The following MLLT3 variants were observed in gnomAD, a reference collection of about 807,000 sequenced individuals.
MLLT3 encodes MLLT3 super elongation complex subunit.
MLLT3 carries 4 observed loss-of-function variants against 53.2 expected under a neutral mutation model. The ratio of observed to expected loss-of-function variants is 0.08; its 90% CI spans 0.04 to 0.17. The LOEUF (loss-of-function observed/expected upper bound fraction) is 0.17. MLLT3 is among the 10% of genes least tolerant of loss of function. The pLI is 1.00. For missense variants in MLLT3, 569 were observed against 684.0 expected, an observed-to-expected ratio of 0.83 and a Z score of 1.87; for synonymous variants, 283 against 230.6, an observed-to-expected ratio of 1.23 and a Z score of -2.06.
intron 2 of MLLT3, among the ~76,000 whole-genome samples, chr9:20,565,980 A>ATTTATTTATATATT (rs1819360154): frequency 2.9e-5 from 3 of 104,298 alleles, no homozygotes; most frequent in Admixed American, 1.1e-4. Flanking sequence ...ATATATATAT[A>ATTTATTTATATATT]TATTTATTTA....
At chr9:20,420,015 T>C (rs908501227) in intron 4 of MLLT3, among the ~76,000 whole-genome samples, 2 of 152,034 alleles carry the variant, frequency 1.3e-5, no homozygotes, top group Non-Finnish European at 2.9e-5. Context: ...TGAAAGAGGA[T>C]TAGGGTGTCA....
intron 1 of MLLT3, 67 bp downstream of exon 1, chr9:20,622,178 T>C: frequency 6.7e-7 from 1 of 1,497,430 alleles, no homozygotes; most frequent in Admixed American, 1.7e-5. Context: ...CTGTCTGGGC[T>C]GCGGCGGCGC....
intron 2 of MLLT3, among the ~76,000 whole-genome samples, chr9:20,493,412 T>C (rs1825002349): frequency 6.6e-6 from 1 of 152,012 alleles, no homozygotes; most frequent in South Asian, 2.1e-4. Context: ...CCTTATCTTT[T>C]AACACTCAGG....
intron 5 of MLLT3, among the ~76,000 whole-genome samples, chr9:20,406,405 A>T (rs1822578685): frequency 6.6e-6 from 1 of 152,248 alleles, no homozygotes; most frequent in South Asian, 2.1e-4. Context: ...CATATTTTTA[A>T]GCGTTACTGA....
At chr9:20,420,715 C>T (rs1274019644) in intron 4 of MLLT3, among the ~76,000 whole-genome samples, 1 of 151,716 alleles carries the variant, frequency 6.6e-6, no homozygotes, top group Non-Finnish European at 1.5e-5. Context: ...TTTTTTTATA[C>T]TTGAAGTTCT....
intron 2 of MLLT3, among the ~76,000 whole-genome samples, chr9:20,617,752 C>A (rs1414185439): frequency 1.3e-5 from 2 of 152,102 alleles, no homozygotes; most frequent in African/African-American, 4.8e-5. Context: ...TCATCAAAAT[C>A]TCTTTTCTAA....
intron 5 of MLLT3, among the ~76,000 whole-genome samples, chr9:20,375,720 C>T (rs1474325346): frequency 5.9e-5 from 9 of 151,638 alleles, no homozygotes; most frequent in African/African-American, 1.5e-4. Flanking sequence ...GCCATTCTCC[C>T]GCCTCAGCCT....
chr9:20,409,405 T>C (rs116732356), intron 5 of MLLT3, among the ~76,000 whole-genome samples: 1,897 of 152,262 alleles, frequency 0.012, 36 homozygotes, highest in African/African-American at 0.043. Context: ...AGGTGAAAGA[T>C]ATTTGGTTTT....
At chr9:20,549,927 T>C (rs2119025647) in intron 2 of MLLT3, among the ~76,000 whole-genome samples, 1 of 152,318 alleles carries the variant, frequency 6.6e-6, no homozygotes, top group Non-Finnish European at 1.5e-5. Flanking sequence ...GAAATTCCTA[T>C]TCTACTCCCC....
intron 2 of MLLT3, among the ~76,000 whole-genome samples, chr9:20,534,243 T>A (rs780639355): frequency 6.6e-6 from 1 of 152,234 alleles, no homozygotes; most frequent in African/African-American, 2.4e-5. Flanking sequence ...GTGGGAGAAC[T>A]GACCCAACTT....
chr9:20,558,830 T>G (rs564548241), intron 2 of MLLT3, among the ~76,000 whole-genome samples: 1 of 152,228 alleles, frequency 6.6e-6, no homozygotes, highest in Non-Finnish European at 1.5e-5. Flanking sequence ...ATCAGCAAGC[T>G]CTGTTTCCAC....
intron 2 of MLLT3, among the ~76,000 whole-genome samples, chr9:20,549,394 G>C (rs180801420): frequency 6.6e-6 from 1 of 152,024 alleles, no homozygotes; most frequent in African/African-American, 2.4e-5. Context: ...CAACAACAAC[G>C]ACTAACTCAA....
intron 2 of MLLT3, among the ~76,000 whole-genome samples, chr9:20,576,900 G>T (rs1587089551): frequency 6.6e-6 from 1 of 152,262 alleles, no homozygotes; most frequent in East Asian, 1.9e-4. Flanking sequence ...CAGCTAGTCA[G>T]GAAGCTAAGT....
chr9:20,514,058 C>T (rs1326989193), intron 2 of MLLT3, among the ~76,000 whole-genome samples: 1 of 151,894 alleles, frequency 6.6e-6, no homozygotes, highest in Admixed American at 6.5e-5. Flanking sequence ...GTCCTCTCCC[C>T]TAGGGAGTAA....
intron 10 of MLLT3, among the ~76,000 whole-genome samples, chr9:20,348,956 C>T (rs764112605): frequency 2.0e-5 from 3 of 151,572 alleles, no homozygotes; most frequent in East Asian, 3.9e-4. Context: ...TTTTTTTTTG[C>T]CATTTTGTGC....
intron 5 of MLLT3, among the ~76,000 whole-genome samples, chr9:20,392,317 G>T (rs1822205548): frequency 6.6e-6 from 1 of 152,142 alleles, no homozygotes; most frequent in South Asian, 2.1e-4. Flanking sequence ...TCTTTAAAAT[G>T]TGACACCAAA....
chr9:20,490,160 G>GC (rs1563783862), intron 2 of MLLT3, among the ~76,000 whole-genome samples: 1 of 152,140 alleles, frequency 6.6e-6, no homozygotes, highest in Non-Finnish European at 1.5e-5. Flanking sequence ...TTCTAAAGCT[G>GC]CCCCCCAAAG....
At chr9:20,491,606 T>A (rs1459099132) in intron 2 of MLLT3, among the ~76,000 whole-genome samples, 1 of 152,128 alleles carries the variant, frequency 6.6e-6, no homozygotes, top group Admixed American at 6.5e-5. Flanking sequence ...AGTAAAAATT[T>A]AAAAAGAATT....
In MLLT3 at chr9:20,352,225, C is replaced by T. The variant is rs72699990; in HGVS notation, c.1575+1300G>A. Among the ~76,000 whole-genome samples the T allele has an allele frequency of 2.7e-3, 415 of 152,340 alleles. 2 individuals carry two copies. The highest frequency in any genetic ancestry group is 3.8e-3 in the Non-Finnish European group (258 of 68,022). On this transcript the variant is annotated intron_variant, in intron 10 of 10. Coordinates refer to ENST00000380338, the MANE Select transcript of MLLT3 (RefSeq NM_004529.4). The stretch of plus-strand genomic sequence containing the variant: ...TGAAGATGTCCCAACCCTGCACAAA[C>T]ATCTGTCCCACCCTCCTATGAGACT...
Sources: gnomAD v4.1 joint callset for allele counts (sites outside exome capture counted in the v4.1 genomes callset) on GRCh38, gnomAD v4.1.1 for gene constraint, MANE v1.5 for transcripts, NCBI Gene and HGNC (gene_info 2026-07-23, HGNC 2026-07-21) for gene names.